The following ADGRG7 variants were observed in gnomAD, a reference collection of about 807,000 sequenced individuals.
The protein encoded by ADGRG7 is adhesion G protein-coupled receptor G7.
A neutral mutation model predicts 88.6 loss-of-function variants in ADGRG7; 82 were observed. The ratio of observed to expected loss-of-function variants is 0.93; its 90% CI spans 0.77 to 1.11. ADGRG7 has a LOEUF of 1.11. Ranked by LOEUF, ADGRG7 falls within the 50% of genes most tolerant of loss-of-function variation. ADGRG7 has a pLI of 0.00. For synonymous variants in ADGRG7, 381 were observed against 345.2 expected, an observed-to-expected ratio of 1.10 and a Z score of -1.15; for missense variants, 945 against 953.4, an observed-to-expected ratio of 0.99 and a Z score of 0.12.
At chr3:100,622,428 T>C (rs1212328317) in intron 1 of ADGRG7, among the ~76,000 whole-genome samples, 2 of 152,172 alleles carry the variant, frequency 1.3e-5, no homozygotes, top group Non-Finnish European at 2.9e-5. Context: ...ATTCTATTAA[T>C]CTATTTGTCT....
chr3:100,654,589 A>G (rs919903663), intron 11 of ADGRG7: 3 of 373,388 alleles, frequency 8.0e-6, no homozygotes, highest in African/African-American at 6.3e-5. Context: ...TTTGATCAGA[A>G]CACAGTTTCA....
chr3:100,660,709 T>G (rs976392097), intron 14 of ADGRG7, among the ~76,000 whole-genome samples: 1 of 151,724 alleles, frequency 6.6e-6, no homozygotes, highest in Non-Finnish European at 1.5e-5. Context: ...TCCCAGAACT[T>G]TGGGAGGCGG....
intron 6 of ADGRG7, chr3:100,637,618 C>A: frequency 2.0e-6 from 1 of 493,158 alleles, no homozygotes; most frequent in Non-Finnish European, 3.6e-6. Context: ...CTGGCCATGG[C>A]CTGGGAGATA....
intron 4 of ADGRG7, among the ~76,000 whole-genome samples, chr3:100,634,573 A>T (rs1289534765): frequency 2.0e-5 from 3 of 152,128 alleles, no homozygotes; most frequent in African/African-American, 7.2e-5. Flanking sequence ...ACATTGTACT[A>T]CCCTGGCTCC....
At chr3:100,657,591 A>T (rs2094939398) in intron 13 of ADGRG7, among the ~76,000 whole-genome samples, 1 of 152,178 alleles carries the variant, frequency 6.6e-6, no homozygotes, top group Non-Finnish European at 1.5e-5. Context: ...GAAATTTTTC[A>T]AGTATTGTTT....
At chr3:100,635,872 A>AG (rs1707532575) in intron 5 of ADGRG7, 46 bp downstream of exon 5, 1 of 1,408,662 alleles carries the variant, frequency 7.1e-7, no homozygotes, top group African/African-American at 1.4e-5. Context: ...TTATTTTTAG[A>AG]GGGGGTGTTG....
chr3:100,628,150 C>G (rs1223384432), intron 1 of ADGRG7, among the ~76,000 whole-genome samples: 1 of 152,094 alleles, frequency 6.6e-6, no homozygotes, highest in Non-Finnish European at 1.5e-5. Context: ...CAAGTTTCAG[C>G]CACTTCTGCC....
chr3:100,612,064 A>C (rs1359280215), intron 1 of ADGRG7, among the ~76,000 whole-genome samples: 3 of 152,142 alleles, frequency 2.0e-5, no homozygotes, highest in African/African-American at 7.2e-5. Flanking sequence ...TAAACACACA[A>C]AATTTTGCAT....
chr3:100,658,482 C>A (rs2094940524), intron 13 of ADGRG7, among the ~76,000 whole-genome samples: 1 of 152,200 alleles, frequency 6.6e-6, no homozygotes. Context: ...CAATCACCCA[C>A]AAAGCTCCTA....
intron 11 of ADGRG7, 27 bp downstream of exon 11, chr3:100,649,834 G>C: frequency 7.6e-7 from 1 of 1,310,650 alleles, no homozygotes; most frequent in South Asian, 1.2e-5. Context: ...GCTCTTTTCA[G>C]AAGAGAAATT....
At chr3:100,664,291 G>A (rs1273695868) in intron 14 of ADGRG7, among the ~76,000 whole-genome samples, 1 of 152,020 alleles carries the variant, frequency 6.6e-6, no homozygotes, top group Non-Finnish European at 1.5e-5. Flanking sequence ...GACATTAAGC[G>A]GTGCTTTATA....
rs550005656 is a variant in ADGRG7 at position 100,637,395 on chromosome 3, C to G, written c.691C>G (p.Leu231Val). The change falls in exon 6 of 16, where the codon CTT becomes GTT. Residue 231 changes from leucine (L) to valine (V), a missense_variant. Leu to Val is a conservative substitution (Grantham distance 32). Coordinates refer to ENST00000273352, the MANE Select transcript of ADGRG7 (RefSeq NM_032787.3). ...RVAATANDDA[L>V]TTLIEQMETY... ...TGCTGCTACTGCTAATGATGATGCCCTTACAACGTAAGCACAAATTCAATT... is the reference window on the plus strand; with the variant it reads ...TGCTGCTACTGCTAATGATGATGCCGTTACAACGTAAGCACAAATTCAATT... 20 of 1,609,970 alleles carry G rather than the reference C, an allele frequency of 1.2e-5. No individual in the cohort carries two copies. The highest frequency in any genetic ancestry group is 1.7e-5 in the Non-Finnish European group (20 of 1,176,566).
intron 15 of ADGRG7, among the ~76,000 whole-genome samples, chr3:100,680,394 C>T (rs1246439738): frequency 3.3e-5 from 5 of 152,064 alleles, no homozygotes; most frequent in African/African-American, 7.2e-5. Context: ...ACAAGTCTTA[C>T]GTTTTTATCC....
At chr3:100,614,657 G>A (rs1707199870) in intron 1 of ADGRG7, among the ~76,000 whole-genome samples, 1 of 152,110 alleles carries the variant, frequency 6.6e-6, no homozygotes. Context: ...ACTAAGCTAG[G>A]CACTAGAAAG....
At chr3:100,625,111 A>G (rs1056822281) in intron 1 of ADGRG7, among the ~76,000 whole-genome samples, 1 of 152,168 alleles carries the variant, frequency 6.6e-6, no homozygotes, top group Non-Finnish European at 1.5e-5. Context: ...AATTGAATCT[A>G]TGAATTGCTC....
At chr3:100,662,330 G>A (rs1425704535) in intron 14 of ADGRG7, among the ~76,000 whole-genome samples, 1 of 152,130 alleles carries the variant, frequency 6.6e-6, no homozygotes, top group African/African-American at 2.4e-5. Flanking sequence ...AGATTATTTA[G>A]TAATGACAGT....
intron 15 of ADGRG7, among the ~76,000 whole-genome samples, chr3:100,678,436 C>CTTAT (rs560017194): frequency 2.4e-4 from 37 of 151,736 alleles, no homozygotes; most frequent in Admixed American, 6.6e-4. Context: ...TCACTGGTGC[C>CTTAT]TTATTTATTT....
At chr3:100,633,627 C>A (rs942390567) in intron 4 of ADGRG7, among the ~76,000 whole-genome samples, 2 of 152,146 alleles carry the variant, frequency 1.3e-5, no homozygotes, top group Non-Finnish European at 2.9e-5. Flanking sequence ...CAGGTTGAAG[C>A]AATCCTCCTG....
intron 1 of ADGRG7, among the ~76,000 whole-genome samples, chr3:100,619,872 T>C (rs1158216939): frequency 1.3e-5 from 2 of 152,102 alleles, no homozygotes; most frequent in African/African-American, 4.8e-5. Context: ...AAGTTGAATC[T>C]CTGAATAGAC....
Sources: allele counts gnomAD v4.1 joint callset (sites outside exome capture counted in the v4.1 genomes callset), GRCh38; gene constraint gnomAD v4.1.1; transcripts MANE v1.5; gene names NCBI Gene and HGNC (gene_info 2026-07-23, HGNC 2026-07-21).